RIMS2: variants seen among roughly 807,000 people sequenced by gnomAD.
RIMS2 encodes regulating synaptic membrane exocytosis 2, also known as regulating synaptic membrane exocytosis protein 2.
Under a neutral mutation model 174.4 loss-of-function variants are expected in RIMS2, and 59 were observed. The ratio of observed to expected loss-of-function variants is 0.34; its 90% CI spans 0.27 to 0.42. The LOEUF is 0.42. RIMS2 is among the 10% of genes least tolerant of loss of function. The probability of loss-of-function intolerance (pLI) is 1.00; values close to 1 mark genes in which losing one functional copy is unlikely to be tolerated. For missense variants in RIMS2, 1,620 were observed against 1,666.3 expected, an observed-to-expected ratio of 0.97 and a Z score of 0.48; for synonymous variants, 606 against 572.5, an observed-to-expected ratio of 1.06 and a Z score of -0.84.
intron 3 of RIMS2, among the ~76,000 whole-genome samples, chr8:103,795,772 C>T (rs1190014279): frequency 2.6e-5 from 4 of 152,214 alleles, no homozygotes; most frequent in Middle Eastern, 6.8e-3. Context: ...TCACATGTAT[C>T]GCTGCCTTTC....
intron 3 of RIMS2, among the ~76,000 whole-genome samples, chr8:103,872,860 C>G (rs982768247): frequency 6.6e-6 from 1 of 152,156 alleles, no homozygotes; most frequent in Non-Finnish European, 1.5e-5. Context: ...CACTGCTGCC[C>G]TGAATAAAAT....
intron 1 of RIMS2, among the ~76,000 whole-genome samples, chr8:103,672,479 C>T (rs1461546460): frequency 6.6e-6 from 1 of 151,806 alleles, no homozygotes; most frequent in Non-Finnish European, 1.5e-5. Context: ...AGGGAGGCCC[C>T]AGGAAGCTTA....
At chr8:104,063,517 G>A (rs908673938) in intron 19 of RIMS2, among the ~76,000 whole-genome samples, 1 of 152,098 alleles carries the variant, frequency 6.6e-6, no homozygotes, top group Non-Finnish European at 1.5e-5. Flanking sequence ...AAGAGATGGG[G>A]TAAGGAATAG....
chr8:103,641,620 T>G (rs562661049), intron 1 of RIMS2, among the ~76,000 whole-genome samples: 3 of 152,222 alleles, frequency 2.0e-5, no homozygotes, highest in South Asian at 4.1e-4. Context: ...AAGTAGAGCC[T>G]AATGTGAGGT....
At chr8:103,981,205 C>G (rs1385983911) in intron 16 of RIMS2, among the ~76,000 whole-genome samples, 1 of 152,174 alleles carries the variant, frequency 6.6e-6, no homozygotes, top group Non-Finnish European at 1.5e-5. Flanking sequence ...TGCATCACCA[C>G]AACCCCAGTT....
chr8:104,237,633 TTTATA>T (rs2099265491), intron 19 of RIMS2, among the ~76,000 whole-genome samples: 1 of 152,170 alleles, frequency 6.6e-6, no homozygotes, highest in Admixed American at 6.5e-5. Context: ...ATATGTAACT[TTTATA>T]ATATTAAATA....
chr8:103,744,464 G>A (rs1053601446), intron 2 of RIMS2, among the ~76,000 whole-genome samples: 1 of 152,118 alleles, frequency 6.6e-6, no homozygotes, highest in Non-Finnish European at 1.5e-5. Context: ...GAGCTGTATG[G>A]CTTTATTTTT....
intron 2 of RIMS2, among the ~76,000 whole-genome samples, chr8:103,760,785 C>T (rs924734573): frequency 5.9e-5 from 9 of 152,158 alleles, no homozygotes; most frequent in Non-Finnish European, 1.0e-4. Context: ...ACACTTTATA[C>T]TCTGTAGCAA....
chr8:104,142,366 T>A (rs2098591333), intron 19 of RIMS2, among the ~76,000 whole-genome samples: 1 of 152,052 alleles, frequency 6.6e-6, no homozygotes, highest in Non-Finnish European at 1.5e-5. Flanking sequence ...TCACCCCAGG[T>A]GGTCCACCCG....
intron 1 of RIMS2, among the ~76,000 whole-genome samples, chr8:103,597,402 G>C (rs1413918172): frequency 6.6e-6 from 1 of 152,060 alleles, no homozygotes; most frequent in Non-Finnish European, 1.5e-5. Flanking sequence ...TTGTGTCCCT[G>C]TTTATGCATA....
intron 19 of RIMS2, among the ~76,000 whole-genome samples, chr8:104,107,874 G>A (rs2098103311): frequency 6.6e-6 from 1 of 152,138 alleles, no homozygotes; most frequent in Non-Finnish European, 1.5e-5. Flanking sequence ...CCTGCAGTTA[G>A]CCATGATCAA....
intron 19 of RIMS2, among the ~76,000 whole-genome samples, chr8:104,233,005 T>A (rs538684961): frequency 3.7e-4 from 57 of 152,290 alleles, no homozygotes; most frequent in African/African-American, 1.3e-3. Flanking sequence ...TATGATTAGC[T>A]ATTTTTTAAT....
chr8:104,196,159 A>T (rs562304910), intron 19 of RIMS2, among the ~76,000 whole-genome samples: 1 of 152,124 alleles, frequency 6.6e-6, no homozygotes, highest in Non-Finnish European at 1.5e-5. Flanking sequence ...CCAATACTCC[A>T]AAAAACACTT....
At chr8:103,599,174 A>G (rs888588755) in intron 1 of RIMS2, among the ~76,000 whole-genome samples, 2 of 151,918 alleles carry the variant, frequency 1.3e-5, no homozygotes, top group African/African-American at 2.4e-5. Flanking sequence ...AGCACTTAAT[A>G]TATGAACCAG....
At chr8:104,142,772 G>A (rs2098596225) in intron 19 of RIMS2, among the ~76,000 whole-genome samples, 1 of 152,098 alleles carries the variant, frequency 6.6e-6, no homozygotes, top group Non-Finnish European at 1.5e-5. Flanking sequence ...TTAGCCAAAT[G>A]TTTCTCCCTA....
rs948449680 is a variant in RIMS2, at chr8:103,898,966, G to A, written c.1625-11168G>A. On this transcript the variant is annotated intron_variant, in intron 4 of 23. Coordinates refer to ENST00000504942, the Ensembl canonical transcript of RIMS2. ...ATTTCCTACCTATGAGTGAGAACAT[G>A]CAGGGTTTGGTTTTTTATCCTTGTG... Among the ~76,000 whole-genome samples the A allele has an allele frequency of 1.3e-5, 2 of 150,488 alleles. 1 individual carries two copies. Among genetic ancestry groups the A allele is most frequent in the African/African-American group, 4.9e-5 (2 of 40,410 alleles).
intron 19 of RIMS2, among the ~76,000 whole-genome samples, chr8:104,051,398 A>G (rs2096783339): frequency 6.6e-6 from 1 of 152,184 alleles, no homozygotes; most frequent in Non-Finnish European, 1.5e-5. Flanking sequence ...TGGGAAGAAC[A>G]TAGTTATAGA....
At chr8:103,943,048 A>C in intron 14 of RIMS2, 122 bp downstream of exon 16, 1 of 699,504 alleles carries the variant, frequency 1.4e-6, no homozygotes, top group Non-Finnish European at 2.3e-6. Flanking sequence ...GTGTTTCCAT[A>C]GCTATGAATT....
At chr8:103,616,446 T>G (rs1037585283) in intron 1 of RIMS2, among the ~76,000 whole-genome samples, 8 of 152,186 alleles carry the variant, frequency 5.3e-5, no homozygotes, top group African/African-American at 1.9e-4. Context: ...AGCATTCCCC[T>G]TGAAGACTGA....
Sources: allele counts gnomAD v4.1 joint callset (sites outside exome capture counted in the v4.1 genomes callset), GRCh38; gene constraint gnomAD v4.1.1; transcripts MANE v1.5; gene names NCBI Gene and HGNC (gene_info 2026-07-23, HGNC 2026-07-21).